The following PPP6R2 variants were observed in gnomAD, a reference collection of about 807,000 sequenced individuals.
PPP6R2 encodes the protein serine/threonine-protein phosphatase 6 regulatory subunit 2.
PPP6R2 carries 62 observed loss-of-function variants against 100.2 expected under a neutral mutation model. That is an observed-to-expected ratio of 0.62 (90% CI 0.50 to 0.76). The LOEUF is 0.76. Ranked by LOEUF, PPP6R2 falls within the 30% of genes least tolerant of loss-of-function variation. The probability of loss-of-function intolerance (pLI) is 0.00; values close to 1 mark genes in which losing one functional copy is unlikely to be tolerated. For missense variants in PPP6R2, 1,142 were observed against 1,276.3 expected (o/e 0.89, Z 1.60); for synonymous variants, 525 against 514.7 (o/e 1.02, Z -0.27).
chr22:50,424,920 T>A (rs7410296), intron 10 of PPP6R2, among the ~76,000 whole-genome samples: 1 of 152,216 alleles, frequency 6.6e-6, no homozygotes, highest in Admixed American at 6.5e-5. Flanking sequence ...GATTACAGGC[T>A]TGAGCCACTG....
chr22:50,440,839 T>C lies in PPP6R2; in HGVS notation c.2392T>C (p.Cys798Arg). The C allele has an allele frequency of 6.2e-7, 1 of 1,613,610 alleles. No individual in the cohort carries two copies. The highest frequency in any genetic ancestry group is 8.5e-7 in the Non-Finnish European group (1 of 1,179,986). ...CTTTGCAGTCAGCCCGGCTTCTCCA[T>C]GTGCCTGGAACGTGTGTGTCACCAG... ...PEKAFSPASP[C>R]AWNVCVTRKA... The change falls in exon 22 of 24, where the codon TGT becomes CGT. Residue 798 changes from cysteine to arginine, a missense_variant. By Grantham distance (180) the Cys-to-Arg change is radical. Transcript: ENST00000612753.
chr22:50,403,311 C>T (rs2058341868), intron 3 of PPP6R2, among the ~76,000 whole-genome samples: 1 of 152,236 alleles, frequency 6.6e-6, no homozygotes, highest in African/African-American at 2.4e-5. Context: ...CTCCTCACCC[C>T]ATGGGATGTG....
chr22:50,422,497 C>T (rs2061469013), intron 9 of PPP6R2, 117 bp downstream of exon 9: 1 of 1,374,120 alleles, frequency 7.3e-7, no homozygotes, highest in Non-Finnish European at 9.8e-7. Context: ...TGAATGTGTT[C>T]TAAGACGGCC....
At chr22:50,335,206 A>G in the PPP6R2 span, among the ~76,000 whole-genome samples, 1 of 144,066 alleles carries the variant, frequency 6.9e-6, no homozygotes, top group African/African-American at 2.6e-5. Context: ...TGCCCGCCAC[A>G]ACACCCGGCT....
At chr22:50,339,799 GGTAT>G (rs2042350061), upstream of PPP6R2, among the ~76,000 whole-genome samples, 1 of 65,656 alleles carries the variant, frequency 1.5e-5, no homozygotes, top group Non-Finnish European at 2.5e-5. Flanking sequence ...GTGTGTGTGG[GGTAT>G]GTGTGTGTGG....
At chr22:50,440,115 C>T in intron 21 of PPP6R2, 66 bp downstream of exon 21, 5 of 1,451,138 alleles carry the variant, frequency 3.4e-6, no homozygotes, top group East Asian at 2.3e-5. Flanking sequence ...CAGCTGGCCC[C>T]CCTCCTTGGG....
At chr22:50,442,824 T>C (rs113416558) in intron 22 of PPP6R2, among the ~76,000 whole-genome samples, 37,406 of 149,472 alleles carry the variant, frequency 0.25, 4,900 homozygotes, top group Middle Eastern at 0.35. Flanking sequence ...AGTGCTGGGA[T>C]TACAGGTGTG....
chr22:50,395,969 C>T (rs968151814), intron 3 of PPP6R2, among the ~76,000 whole-genome samples: 4 of 151,674 alleles, frequency 2.6e-5, no homozygotes, highest in Admixed American at 6.6e-5. Flanking sequence ...CCAAGGCGGG[C>T]GGATCACCTC....
chr22:50,356,702 C>T (rs961925875), intron 1 of PPP6R2, among the ~76,000 whole-genome samples: 1 of 151,762 alleles, frequency 6.6e-6, no homozygotes, highest in East Asian at 1.9e-4. Flanking sequence ...TAAAGGAGGC[C>T]GAGGCGGGTG....
intron 5 of PPP6R2, among the ~76,000 whole-genome samples, chr22:50,415,462 T>C (rs2060402407): frequency 6.6e-6 from 1 of 152,232 alleles, no homozygotes; most frequent in African/African-American, 2.4e-5. Flanking sequence ...TAGCCGTTAG[T>C]GGGAAGCCTG....
At chr22:50,436,948 G>T (rs2064436976) in intron 14 of PPP6R2, 40 bp from the exon 15 acceptor site, 11 of 1,522,978 alleles carry the variant, frequency 7.2e-6, no homozygotes, top group Non-Finnish European at 9.8e-6. Flanking sequence ...TGGGGCGCTG[G>T]GCTGGCTCAC....
At chr22:50,399,625 C>T (rs981659676) in intron 3 of PPP6R2, among the ~76,000 whole-genome samples, 2 of 152,234 alleles carry the variant, frequency 1.3e-5, no homozygotes, top group African/African-American at 2.4e-5. Flanking sequence ...AGAAGCTGCA[C>T]TTGGTTTGGG....
Position 50,440,069 on chromosome 22 carries a change from G to A in PPP6R2, c.2374+20G>A, listed in dbSNP as rs368163397. ...AAGCCTGTGAGTAGGAGCAGTGCAG[G>A]CGGCACCCAGCCTTGCCCAGTTTAA... On this transcript the variant is annotated intron_variant, in intron 21 of 23. Coordinates refer to ENST00000612753, the MANE Select transcript of PPP6R2 (RefSeq NM_001242898.2). The A allele has an allele frequency of 2.3e-5, 37 of 1,598,526 alleles. No homozygotes were observed. Among genetic ancestry groups the A allele is most frequent in the Admixed American group, 1.5e-4 (9 of 59,460 alleles).
intron 4 of PPP6R2, among the ~76,000 whole-genome samples, chr22:50,411,848 G>A (rs531028126): frequency 1.6e-4 from 24 of 152,126 alleles, no homozygotes; most frequent in East Asian, 1.2e-3. Context: ...GATCGAGACC[G>A]TCCTGGCTAA....
intron 6 of PPP6R2, among the ~76,000 whole-genome samples, chr22:50,417,046 G>T (rs1406523573): frequency 6.6e-6 from 1 of 151,982 alleles, no homozygotes; most frequent in Non-Finnish European, 1.5e-5. Flanking sequence ...GTTGCTTATG[G>T]CAAGTATTTT....
At chr22:50,399,188 C>T (rs918552644) in intron 3 of PPP6R2, among the ~76,000 whole-genome samples, 6 of 152,154 alleles carry the variant, frequency 3.9e-5, no homozygotes, top group African/African-American at 1.2e-4. Flanking sequence ...CACAGCAAGA[C>T]TGTCATCTCT....
intron 4 of PPP6R2, 106 bp downstream of exon 4, chr22:50,406,981 A>G: frequency 8.7e-7 from 1 of 1,156,044 alleles, no homozygotes; most frequent in Admixed American, 1.8e-5. Context: ...CCGCGGGAAC[A>G]GCATCTGTGA....
At chr22:50,442,214 A>G (rs1389071894) in intron 22 of PPP6R2, among the ~76,000 whole-genome samples, 1 of 152,186 alleles carries the variant, frequency 6.6e-6, no homozygotes, top group East Asian at 1.9e-4. Context: ...GACACCTCAG[A>G]GGGTCCTGCT....
chr22:50,387,466 A>G (rs1387012907), intron 2 of PPP6R2, among the ~76,000 whole-genome samples: 1 of 152,154 alleles, frequency 6.6e-6, no homozygotes. Flanking sequence ...CCGGTGGACT[A>G]TGCTCAGGAT....
Sources: allele counts gnomAD v4.1 joint callset (sites outside exome capture counted in the v4.1 genomes callset), GRCh38; gene constraint gnomAD v4.1.1; transcripts MANE v1.5; gene names NCBI Gene and HGNC (gene_info 2026-07-23, HGNC 2026-07-21).